Variants in BANP observed in about 807,000 individuals in gnomAD.
BANP encodes BTG3 associated nuclear protein, also known as protein BANP.
In BANP, 11 loss-of-function variants were observed where a neutral mutation model predicts 68.1. The observed-to-expected ratio is 0.16, with a 90% CI of 0.10 to 0.27. BANP has a LOEUF of 0.27. Among genes scored for constraint, BANP ranks in the 10% least tolerant of loss-of-function variants. BANP has a pLI of 1.00. For missense variants in BANP, 504 were observed against 722.7 expected (o/e 0.70, Z 3.47); for synonymous variants, 329 against 303.2 (o/e 1.09, Z -0.88).
chr16:87,980,437 C>G (rs2063030433), intron 2 of BANP: 1 of 152,608 alleles, frequency 6.6e-6, no homozygotes, highest in African/African-American at 2.4e-5. Flanking sequence ...GAGCTGGGGC[C>G]GAGTTGCTTA....
intron 4 of BANP, among the ~76,000 whole-genome samples, chr16:87,988,434 T>TC (rs1478438889): frequency 3.3e-5 from 5 of 152,028 alleles, no homozygotes; most frequent in Admixed American, 3.3e-4. Context: ...TGGCTAATTT[T>TC]TTTTTTTTTT....
intron 4 of BANP, among the ~76,000 whole-genome samples, chr16:87,992,821 A>G (rs2066226063): frequency 6.6e-6 from 1 of 152,088 alleles, no homozygotes; most frequent in Admixed American, 6.5e-5. Context: ...TAAATGTAGA[A>G]TTTCTTGAGT....
chr16:87,974,688 G>T (rs1016637228), intron 1 of BANP, among the ~76,000 whole-genome samples: 1 of 152,258 alleles, frequency 6.6e-6, no homozygotes. Context: ...AGCAGGAAGC[G>T]ACAGAGCGTT....
chr16:88,059,844 C>T (rs1032524506), intron 11 of BANP, among the ~76,000 whole-genome samples: 2 of 152,030 alleles, frequency 1.3e-5, no homozygotes, highest in African/African-American at 4.8e-5. Flanking sequence ...CCGCTGAGTG[C>T]GCCTAGGTCA....
At chr16:87,990,023 A>G (rs1211395681) in intron 4 of BANP, among the ~76,000 whole-genome samples, 5 of 152,214 alleles carry the variant, frequency 3.3e-5, no homozygotes, top group African/African-American at 1.2e-4. Flanking sequence ...TGCCCAGCAC[A>G]CCTGTGGAGT....
chr16:88,072,617 C>T (rs1159165183), intron 13 of BANP, among the ~76,000 whole-genome samples: 4 of 152,252 alleles, frequency 2.6e-5, no homozygotes, highest in Non-Finnish European at 4.4e-5. Context: ...GCTGCTGTGG[C>T]CCTAGCGTCC....
chr16:87,978,024 C>T (rs1461675961), intron 2 of BANP, among the ~76,000 whole-genome samples: 4 of 152,204 alleles, frequency 2.6e-5, no homozygotes, highest in South Asian at 2.1e-4. Context: ...TCAGTAGAGA[C>T]GGGGTTTCAC....
chr16:88,059,769 C>T (rs1056766773), intron 11 of BANP, among the ~76,000 whole-genome samples: 1 of 152,232 alleles, frequency 6.6e-6, no homozygotes, highest in African/African-American at 2.4e-5. Flanking sequence ...GCTGCACTGT[C>T]GGACGCGACA....
chr16:88,056,511 G>A (rs527462211), intron 11 of BANP, among the ~76,000 whole-genome samples: 1 of 148,788 alleles, frequency 6.7e-6, no homozygotes, highest in South Asian at 2.1e-4. Flanking sequence ...TGACTGAAAT[G>A]TACACTTTCA....
rs1188785109 is a variant in BANP, at chr16:88,036,526, C to G, written c.1272+1132C>G. Reference sequence around the variant, plus strand: ...CGTGGCACGTGGAGCACCAGGGACTCGGGCGTGTCTGCTGGCAGTGGCTTT... The same window carrying G: ...CGTGGCACGTGGAGCACCAGGGACTGGGGCGTGTCTGCTGGCAGTGGCTTT... On this transcript the variant is annotated intron_variant, in intron 10 of 13. Transcript: ENST00000682872. The surrounding 1 kb of genome is among the most constrained non-coding windows in gnomAD (Gnocchi z 4.2). Among the ~76,000 whole-genome samples the G allele has an allele frequency of 2.0e-5, 3 of 152,064 alleles. No homozygotes were observed. The highest frequency in any genetic ancestry group is 4.4e-5 in the Non-Finnish European group (3 of 68,018).
intron 3 of BANP, chr16:87,982,787 G>T (rs11648703): frequency 2.2e-4 from 33 of 151,890 alleles, no homozygotes; most frequent in African/African-American, 7.3e-4. Context: ...CCTCCTGCAG[G>T]GCTGTCCCTG....
At chr16:87,999,362 T>C (rs1480622112) in intron 4 of BANP, among the ~76,000 whole-genome samples, 4 of 147,736 alleles carry the variant, frequency 2.7e-5, no homozygotes, top group African/African-American at 1.0e-4. Flanking sequence ...TTACCTGTCC[T>C]TCCAGACACG....
At position 87,961,407 on chromosome 16, in the gene BANP, G is replaced by GCCC. The variant is rs149889657; in HGVS notation, c.-69+9893_-69+9894insCCC. Among the ~76,000 whole-genome samples the GCCC allele has an allele frequency of 6.8e-3, 796 of 117,606 alleles. 63 individuals carry two copies. Among genetic ancestry groups the GCCC allele is most frequent in the African/African-American group, 0.02 (710 of 34,662 alleles). The allele number at this position is 117,606 out of a possible 152,430, so 77.2% of individuals were successfully genotyped here. On this transcript the variant is annotated intron_variant, in intron 1 of 13. Coordinates refer to ENST00000682872, the MANE Select transcript of BANP (RefSeq NM_001386991.1). The stretch of plus-strand genomic sequence containing the variant: ...TCGAACTCCTGGACTCACAGAATCT[G>GCCC]CACCCCCCCGGGCCTCCCAAAGTGC...
At position 87,985,592 on chromosome 16, in the gene BANP, T is replaced by G. The variant is rs1380691797; in HGVS notation, c.362+1333T>G. Among the ~76,000 whole-genome samples the G allele has an allele frequency of 2.6e-5, 4 of 152,236 alleles. No homozygotes were observed. The East Asian group carries it at 5.8e-4, about 22-fold the overall frequency. ...GTTTCAAAAAAAAAGAAAATGTAAT[T>G]TATAACTTATAGTTATTAGACTGTC... On this transcript the variant is annotated intron_variant, in intron 4 of 13. Transcript: ENST00000682872.
chr16:88,047,494 G>A (rs116409028), intron 11 of BANP, among the ~76,000 whole-genome samples: 191 of 152,284 alleles, frequency 1.3e-3, no homozygotes, highest in African/African-American at 4.1e-3. Flanking sequence ...CAGGGTGCAT[G>A]TTTGTTCTTT....
intron 6 of BANP, among the ~76,000 whole-genome samples, chr16:88,010,731 A>G (rs1234404702): frequency 6.6e-6 from 1 of 152,254 alleles, no homozygotes; most frequent in Non-Finnish European, 1.5e-5. Flanking sequence ...AGTCCACGGA[A>G]CACCAGCTAT....
intron 10 of BANP, 57 bp downstream of exon 10, chr16:88,035,451 G>A (rs868757421): frequency 1.3e-5 from 19 of 1,474,660 alleles, no homozygotes; most frequent in Admixed American, 1.9e-5. Flanking sequence ...ACATGCTCCC[G>A]ACCTTCATCG....
intron 6 of BANP, among the ~76,000 whole-genome samples, chr16:88,015,671 G>A (rs1342508458): frequency 1.3e-5 from 2 of 152,266 alleles, no homozygotes; most frequent in African/African-American, 4.8e-5. Flanking sequence ...GCAGGCCACT[G>A]TCCCTGGCAC....
At chr16:88,048,619 C>G (rs987857849) in intron 11 of BANP, among the ~76,000 whole-genome samples, 9 of 151,642 alleles carry the variant, frequency 5.9e-5, no homozygotes, top group African/African-American at 2.2e-4. Flanking sequence ...ATTAAATCTG[C>G]ACTCACCACA....
Sources: allele counts gnomAD v4.1 joint callset (sites outside exome capture counted in the v4.1 genomes callset), GRCh38; gene constraint gnomAD v4.1.1; non-coding constraint Gnocchi (gnomAD v3.1); transcripts MANE v1.5; gene names NCBI Gene and HGNC (gene_info 2026-07-23, HGNC 2026-07-21).